The following AEBP2 variants were observed in gnomAD, a reference collection of about 807,000 sequenced individuals.
AEBP2 encodes AE binding protein 2.
AEBP2 carries 10 observed loss-of-function variants against 50.8 expected under a neutral mutation model. The ratio of observed to expected loss-of-function variants is 0.20; its 90% confidence interval spans 0.12 to 0.33. The LOEUF (loss-of-function observed/expected upper bound fraction) is 0.33, where lower values mean the gene tolerates loss of function less well. AEBP2 is among the 10% of genes least tolerant of loss of function. The pLI is 1.00. For missense variants in AEBP2, 570 were observed against 688.0 expected (o/e 0.83, Z 1.92); for synonymous variants, 296 against 261.3 (o/e 1.13, Z -1.28).
In AEBP2 at chr12:19,522,126, A is replaced by G. The variant is rs374728055; in HGVS notation, c.*4009A>G. 6.6e-6 allele frequency: 1 copy of G among 151,876 alleles called. No individual in the cohort carries two copies. The highest frequency in any genetic ancestry group is 1.5e-5 in the Non-Finnish European group (1 of 67,956). 9.4% of individuals were successfully genotyped at this position (151,876 alleles called of 1,614,324 possible). On this transcript the variant is annotated 3_prime_UTR_variant, in exon 8 of 8. Transcript: ENST00000266508. ...GATTTTGGTTAAAACATATTTCTCT[A>G]TTCTAAAAATTACAGAATATGTATT...
chr12:19,504,379 C>T (rs1466847729), intron 5 of AEBP2, among the ~76,000 whole-genome samples: 4 of 87,814 alleles, frequency 4.6e-5, no homozygotes, highest in South Asian at 7.3e-4. Flanking sequence ...GGAATACAGG[C>T]GCCCCCCCCA....
intron 3 of AEBP2, among the ~76,000 whole-genome samples, chr12:19,489,073 G>A (rs1948858437): frequency 6.6e-6 from 1 of 152,290 alleles, no homozygotes; most frequent in Admixed American, 6.5e-5. Context: ...ACAGGCGTGA[G>A]CCACCATGCC....
intron 3 of AEBP2, among the ~76,000 whole-genome samples, chr12:19,474,531 AT>A (rs986371381): frequency 8.6e-5 from 13 of 151,654 alleles, no homozygotes; most frequent in Admixed American, 3.3e-4. Flanking sequence ...GTTTCTTGTG[AT>A]TTTTTTTCTA....
rs1456912009 is a variant in AEBP2 at position 19,439,678 on chromosome 12, A to G, written c.-22A>G. 6.6e-7 allele frequency: 1 copy of G among 1,509,764 alleles called. No individual in the cohort carries two copies. The highest frequency in any genetic ancestry group is 8.8e-7 in the Non-Finnish European group (1 of 1,135,798). The allele number at this position is 1,509,764 out of a possible 1,614,324, so 93.5% of individuals were successfully genotyped here. On this transcript the variant is annotated 5_prime_UTR_variant, in exon 1 of 8. Transcript: ENST00000266508. ...GGAGGCGGCGGTGGGGAGGAGGAGG[A>G]GGAGGAGGAGCAGGCGCCGCCATGG...
intron 5 of AEBP2, among the ~76,000 whole-genome samples, chr12:19,511,476 C>G (rs1949231647): frequency 6.6e-6 from 1 of 152,134 alleles, no homozygotes; most frequent in South Asian, 2.1e-4. Context: ...TTTTCTGCAC[C>G]ATACTAAGAG....
chr12:19,483,712 C>T (rs540309456), intron 3 of AEBP2, among the ~76,000 whole-genome samples: 21 of 152,156 alleles, frequency 1.4e-4, no homozygotes, highest in Admixed American at 2.6e-4. Context: ...TCAGCTTCAT[C>T]GCTTTCCATT....
rs1023259544 is a variant in AEBP2 at position 19,439,921 on chromosome 12, G to C, written c.222G>C (p.Val74=). 4.5e-5 allele frequency: 67 copies of C among 1,505,088 alleles called. No individual in the cohort carries two copies. Among genetic ancestry groups the C allele is most frequent in the Non-Finnish European group, 5.6e-5 (63 of 1,134,450 alleles). The allele number at this position is 1,505,088 out of a possible 1,614,324, so 93.2% of individuals were successfully genotyped here. The change falls in exon 1 of 8, where the codon GTG becomes GTC. Residue 74 remains valine (V), a synonymous_variant. Coordinates refer to ENST00000266508, the MANE Select transcript of AEBP2 (RefSeq NM_153207.5). ...GGGGGGGGGG[V]GGGEAETMSE... ...GCGGCGGAGGCGGCGGCGGAGGAGTGGGGGGCGGCGAGGCAGAGACGATGT... is the reference window on the plus strand; with the variant it reads ...GCGGCGGAGGCGGCGGCGGAGGAGTCGGGGGCGGCGAGGCAGAGACGATGT...
chr12:19,413,450 AC>A (rs1205729481), intron 1 of AEBP2: 2 of 1,105,802 alleles, frequency 1.8e-6, no homozygotes, highest in African/African-American at 3.1e-5. Flanking sequence ...GATGAAGAAG[AC>A]GATTATTGAA....
chr12:19,451,174 G>A (rs182322616), intron 1 of AEBP2, among the ~76,000 whole-genome samples: 1 of 152,272 alleles, frequency 6.6e-6, no homozygotes, highest in East Asian at 1.9e-4. Context: ...AGTTTAAAAC[G>A]ACAGCATTTA....
intron 2 of AEBP2, 52 bp from the exon 3 acceptor site, chr12:19,473,196 C>CTTA: frequency 3.5e-6 from 3 of 865,094 alleles, no homozygotes; most frequent in Non-Finnish European, 4.8e-6. Context: ...AGGAATCAAA[C>CTTA]TCTTCTTGAG....
intron 3 of AEBP2, among the ~76,000 whole-genome samples, chr12:19,481,002 T>C (rs1948720127): frequency 1.3e-5 from 2 of 152,082 alleles, no homozygotes; most frequent in East Asian, 1.9e-4. Context: ...TGTCTTTTCT[T>C]TGTCTTTGTC....
chr12:19,432,332 C>G (rs934174289), intron 1 of AEBP2, among the ~76,000 whole-genome samples: 1 of 152,140 alleles, frequency 6.6e-6, no homozygotes, highest in Non-Finnish European at 1.5e-5. Flanking sequence ...CAGTCTGCTT[C>G]GGGGTTCCCC....
Position 19,510,865 on chromosome 12 carries a change from C to CTTT in AEBP2, c.1300-1518_1300-1516dup, listed in dbSNP as rs58870259. ...AGTACATCGCTTTTTAAGGTAGTGACTTTTTTTTTTTTTTTTTGAGGTGGG... is the reference window on the plus strand; with the variant it reads ...AGTACATCGCTTTTTAAGGTAGTGACTTTTTTTTTTTTTTTTTTTTGAGGTGGG... On this transcript the variant is annotated intron_variant, in intron 5 of 7. Transcript: ENST00000266508. Among the ~76,000 whole-genome samples the CTTT allele has an allele frequency of 1.9e-4, 17 of 89,032 alleles. 1 individual carries two copies. The highest frequency in any genetic ancestry group is 7.8e-4 in the African/African-American group (16 of 20,428). The allele number at this position is 89,032 out of a possible 152,430, so 58.4% of individuals were successfully genotyped here. A position where few individuals can be genotyped will look rare whatever the true frequency, so the allele number is the denominator to read the frequency against.
intron 1 of AEBP2, among the ~76,000 whole-genome samples, chr12:19,418,021 A>C (rs1216343294): frequency 6.6e-6 from 1 of 152,042 alleles, no homozygotes; most frequent in Non-Finnish European, 1.5e-5. Context: ...CTATTAACAC[A>C]ACTAGATCTT....
chr12:19,488,900 C>T (rs1416403617), intron 3 of AEBP2, among the ~76,000 whole-genome samples: 1 of 152,120 alleles, frequency 6.6e-6, no homozygotes, highest in South Asian at 2.1e-4. Flanking sequence ...AGCTATTCTC[C>T]TGCTTCATCC....
intron 5 of AEBP2, among the ~76,000 whole-genome samples, chr12:19,506,909 G>C (rs1426792940): frequency 6.6e-6 from 1 of 152,130 alleles, no homozygotes; most frequent in African/African-American, 2.4e-5. Flanking sequence ...GGCCTGGGCA[G>C]CTCCGTGGCA....
chr12:19,425,666 G>T (rs191342021), intron 1 of AEBP2, among the ~76,000 whole-genome samples: 157 of 151,520 alleles, frequency 1.0e-3, no homozygotes, highest in Admixed American at 1.8e-3. Context: ...CCAGCTACTT[G>T]GAAGGCTGAG....
rs1949380520 is a variant in AEBP2, at chr12:19,520,403, C to G, written c.*2286C>G. 6.6e-6 allele frequency: 1 copy of G among 152,076 alleles called. No homozygotes were observed. Among genetic ancestry groups the G allele is most frequent in the Non-Finnish European group, 1.5e-5 (1 of 67,998 alleles). The allele number at this position is 152,076 out of a possible 1,614,324, so 9.4% of individuals were successfully genotyped here. ...TCTGAGTACTCAATCAATCATAATC[C>G]TTTTGCTGCTTATCTGATGTTGGTT... is the stretch of plus-strand genomic sequence containing the variant. On this transcript the variant is annotated 3_prime_UTR_variant, in exon 8 of 8. Coordinates refer to ENST00000266508, the MANE Select transcript of AEBP2 (RefSeq NM_153207.5).
At chr12:19,513,060 CAGTG>C (rs1949259885) in intron 6 of AEBP2, among the ~76,000 whole-genome samples, 1 of 152,058 alleles carries the variant, frequency 6.6e-6, no homozygotes, top group South Asian at 2.1e-4. Context: ...ACCTGGGCAT[CAGTG>C]AGACTCTGTC....
Sources: allele counts gnomAD v4.1 joint callset (sites outside exome capture counted in the v4.1 genomes callset), GRCh38; gene constraint gnomAD v4.1.1; transcripts MANE v1.5; gene names NCBI Gene and HGNC (gene_info 2026-07-23, HGNC 2026-07-21).